Variants in SF3B4 observed in about 807,000 individuals in gnomAD.
The protein encoded by SF3B4 is splicing factor 3b subunit 4, also known as SAP 49.
A neutral mutation model predicts 34.3 loss-of-function variants in SF3B4; 3 were observed. That is an observed-to-expected ratio of 0.09 (90% CI 0.04 to 0.23). The LOEUF is 0.23. Among genes scored for constraint, SF3B4 ranks in the 10% least tolerant of loss-of-function variants. SF3B4 has a pLI of 1.00. For synonymous variants in SF3B4, 216 were observed against 207.8 expected (o/e 1.04, Z -0.34); for missense variants, 283 against 567.2 (o/e 0.50, Z 5.09).
chr1:149,923,865 C>A lies in SF3B4; in HGVS notation c.1063G>T (p.Gly355Trp). 6.2e-7 allele frequency: 1 copy of A among 1,602,470 alleles called. No homozygotes were observed. The highest frequency in any genetic ancestry group is 8.5e-7 in the Non-Finnish European group (1 of 1,176,346). Residue 355 changes from glycine to tryptophan, a missense_variant, in exon 5 of 6, where the codon GGG becomes TGG. This residue lies in a region of SF3B4 where 208 missense variants were observed against 292.6 expected (regional missense o/e 0.71). Transcript: ENST00000271628. ...GPPPMGMPPR[G>W]PPFGSPMGHP... ...CCCATGGGAGATCCGAATGGAGGCC[C>A]TCGGGGGGGCATGCCCATTGGAGGA...
chr1:149,926,605 A>G lies in SF3B4; in HGVS notation c.477T>C (p.Ile159=), dbSNP rs2092591550. ...FASFDASDAA[I]EAMNGQYLCN... is the part of the protein sequence containing the mutation. ...AGAGGTACTGCCCATTCATGGCTTC[A>G]ATTGCTGCATCCGAAGCATCAAATG... The change falls in exon 3 of 6, where the codon ATT becomes ATC. Residue 159 remains isoleucine (I), a synonymous_variant. Coordinates refer to ENST00000271628, the MANE Select transcript of SF3B4 (RefSeq NM_005850.5). This position sits in a 1 kb window ranked among gnomAD's most constrained non-coding sequence, Gnocchi z 6.2. 1.9e-6 allele frequency: 3 copies of G among 1,614,214 alleles called. No individual in the cohort carries two copies. The East Asian group carries it at 6.7e-5, about 36-fold the overall frequency.
chr1:149,927,545 TA>T, intron 1 of SF3B4, 180 bp downstream of exon 1: 1 of 790,640 alleles, frequency 1.3e-6, no homozygotes, highest in East Asian at 2.7e-5. Context: ...CGGACTTAAG[TA>T]TCACACCCAG....
At chr1:149,925,599 A>C (rs890454300) in intron 4 of SF3B4, 17 of 557,898 alleles carry the variant, frequency 3.0e-5, no homozygotes, top group Non-Finnish European at 5.5e-5. Flanking sequence ...AAGAGAATGG[A>C]ACTAAAGATT....
intron 1 of SF3B4, 119 bp from the exon 2 acceptor site, chr1:149,927,413 C>CAA: frequency 6.5e-6 from 7 of 1,076,986 alleles, no homozygotes; most frequent in Admixed American, 2.8e-5. Flanking sequence ...GGGACAGGAG[C>CAA]AAAAAAAAAA....
chr1:149,927,449 C>T, intron 1 of SF3B4, 155 bp from the exon 2 acceptor site: 1 of 861,900 alleles, frequency 1.2e-6, no homozygotes, highest in South Asian at 1.8e-5. Context: ...CTTCTCTCTT[C>T]CCAGGACTTC....
chr1:149,926,320 C>A lies in SF3B4; in HGVS notation c.706+56G>T. The A allele has an allele frequency of 6.8e-7, 1 of 1,477,280 alleles. No homozygotes were observed. The highest frequency in any genetic ancestry group is 9.2e-7 in the Non-Finnish European group (1 of 1,090,382). 91.5% of individuals were successfully genotyped at this position (1,477,280 alleles called of 1,614,324 possible). On this transcript the variant is annotated intron_variant, in intron 3 of 5. Transcript: ENST00000271628. The surrounding 1 kb of genome is among the most constrained non-coding windows in gnomAD (Gnocchi z 6.2). The stretch of plus-strand genomic sequence containing the variant: ...CCCCTTTCAGACTTGTTTTCTTCTT[C>A]CTCCTGACCCTCTCCCCCAACCTTA...
At chr1:149,924,826 A>G (rs2092579663) in intron 4 of SF3B4, among the ~76,000 whole-genome samples, 1 of 152,242 alleles carries the variant, frequency 6.6e-6, no homozygotes, top group South Asian at 2.1e-4. Flanking sequence ...AGCAAAATGC[A>G]GTTATAGAAA....
At chr1:149,925,540 C>T (rs768033690) in intron 4 of SF3B4, 8 of 403,028 alleles carry the variant, frequency 2.0e-5, no homozygotes, top group Non-Finnish European at 3.7e-5. Context: ...GGAGCAGAAG[C>T]GTCCCCGAGA....
chr1:149,926,821 G>A lies in SF3B4; in HGVS notation c.261C>T (p.Asn87=). 10 of 1,614,110 alleles carry A rather than the reference G, an allele frequency of 6.2e-6. No individual in the cohort carries two copies. The highest frequency in any genetic ancestry group is 7.6e-6 in the Non-Finnish European group (9 of 1,180,024). ...IKLYGKPIRV[N]KASAHNKNLD... ...GGTTTTTGTTGTGAGCTGATGCTTT[G>A]TTCACCCGTATTGGCTTCCCATAGA... The change falls in exon 3 of 6, where the codon AAC becomes AAT. Residue 87 remains asparagine, a synonymous_variant. Coordinates refer to ENST00000271628, the MANE Select transcript of SF3B4 (RefSeq NM_005850.5). The surrounding 1 kb of genome is among the most constrained non-coding windows in gnomAD (Gnocchi z 6.2).
intron 4 of SF3B4, chr1:149,925,552 T>G: frequency 2.5e-6 from 1 of 401,686 alleles, no homozygotes; most frequent in South Asian, 2.6e-5. Context: ...TCCCCGAGAT[T>G]TGGCAATTAG....
intron 4 of SF3B4, 36 bp from the exon 5 acceptor site, chr1:149,924,050 CAA>C: frequency 6.8e-7 from 1 of 1,466,730 alleles, no homozygotes; most frequent in Non-Finnish European, 9.0e-7. Context: ...AGAAAAGAGA[CAA>C]AGAGAAGGAG....
Position 149,926,621 on chromosome 1 carries a change from G to A in SF3B4, c.461C>T (p.Ala154Val). The A allele has an allele frequency of 6.2e-7, 1 of 1,614,240 alleles. No individual in the cohort carries two copies. The highest frequency in any genetic ancestry group is 8.5e-7 in the Non-Finnish European group (1 of 1,180,048). The change falls in exon 3 of 6, where the codon GCT becomes GTT. Residue 154 changes from alanine to valine, a missense_variant. Coordinates refer to ENST00000271628, the MANE Select transcript of SF3B4 (RefSeq NM_005850.5). This position sits in a 1 kb window ranked among gnomAD's most constrained non-coding sequence, Gnocchi z 6.2. ...CATGGCTTCAATTGCTGCATCCGAA[G>A]CATCAAATGAAGCAAAATTAATAAA... Reference protein sequence around the residue: ...YAFINFASFDASDAAIEAMNG... With the variant: ...YAFINFASFDVSDAAIEAMNG...
chr1:149,924,453 A>G (rs587704257), intron 4 of SF3B4, among the ~76,000 whole-genome samples: 3 of 152,198 alleles, frequency 2.0e-5, no homozygotes, highest in South Asian at 4.2e-4. Context: ...ATAAAAATAA[A>G]AAAAGAAGGG....
intron 4 of SF3B4, among the ~76,000 whole-genome samples, chr1:149,924,842 G>C (rs2092579776): frequency 2.0e-5 from 3 of 152,138 alleles, no homozygotes; most frequent in Non-Finnish European, 4.4e-5. Context: ...AGAAATGAGG[G>C]GCAGGGGCCA....
At chr1:149,924,814 G>C (rs2092579526) in intron 4 of SF3B4, among the ~76,000 whole-genome samples, 2 of 152,188 alleles carry the variant, frequency 1.3e-5, no homozygotes, top group African/African-American at 4.8e-5. Flanking sequence ...TCAGTAATCA[G>C]GAGCAAAATG....
intron 5 of SF3B4, 55 bp downstream of exon 5, chr1:149,923,786 G>A (rs782086564): frequency 4.6e-6 from 7 of 1,527,502 alleles, no homozygotes; most frequent in South Asian, 1.3e-5. Context: ...GTGCCTACAG[G>A]AAGCTGTAAG....
At chr1:149,925,640 C>A in intron 4 of SF3B4, 196 bp downstream of exon 4, 1 of 664,656 alleles carries the variant, frequency 1.5e-6, no homozygotes, top group South Asian at 1.6e-5. Context: ...GTAGAGTCTA[C>A]TTGTCAGAAA....
Position 149,923,422 on chromosome 1 carries a change from T to G in SF3B4, c.*120A>C. The G allele has an allele frequency of 1.4e-6, 1 of 694,648 alleles. No individual in the cohort carries two copies. The highest frequency in any genetic ancestry group is 2.3e-6 in the Non-Finnish European group (1 of 430,306). The allele number at this position is 694,648 out of a possible 1,614,324, so 43.0% of individuals were successfully genotyped here. Reference sequence around the variant, plus strand: ...GAAAAAGTTACATTAAAAAGGGGAATGGAGTGGGGGTGCTGAAAGGGATTA... The same window carrying G: ...GAAAAAGTTACATTAAAAAGGGGAAGGGAGTGGGGGTGCTGAAAGGGATTA... On this transcript the variant is annotated 3_prime_UTR_variant, in exon 6 of 6. Coordinates refer to ENST00000271628, the MANE Select transcript of SF3B4 (RefSeq NM_005850.5).
intron 4 of SF3B4, among the ~76,000 whole-genome samples, chr1:149,924,451 A>G (rs2092576764): frequency 6.6e-6 from 1 of 152,056 alleles, no homozygotes; most frequent in South Asian, 2.1e-4. Context: ...AAATAAAAAT[A>G]AAAAAAGAAG....
Sources: gnomAD v4.1 joint callset for allele counts (sites outside exome capture counted in the v4.1 genomes callset) on GRCh38, gnomAD v4.1.1 for gene constraint, gnomAD v4.1.1 regional missense constraint, Gnocchi (gnomAD v3.1) non-coding constraint, MANE v1.5 for transcripts, NCBI Gene and HGNC (gene_info 2026-07-23, HGNC 2026-07-21) for gene names.